DOT1L: variants seen among roughly 807,000 people sequenced by gnomAD.
DOT1L encodes histone-lysine N-methyltransferase, H3 lysine-79 specific.
In DOT1L, 33 loss-of-function variants were observed where a neutral mutation model predicts 153.3. That is an observed-to-expected ratio of 0.22 (90% CI 0.16 to 0.29). The LOEUF is 0.29. Among genes scored for constraint, DOT1L ranks in the 10% least tolerant of loss-of-function variants. The pLI is 1.00. For synonymous variants in DOT1L, 1,135 were observed against 965.1 expected (o/e 1.18, Z -3.26); for missense variants, 1,847 against 2,119.9 (o/e 0.87, Z 2.53).
chr19:2,227,932 C>A, intron 27 of DOT1L: 2 of 1,200,666 alleles, frequency 1.7e-6, no homozygotes, highest in South Asian at 2.9e-5. Flanking sequence ...CCGCCTCCCC[C>A]GCTGCCCCCG....
intron 9 of DOT1L, among the ~76,000 whole-genome samples, chr19:2,205,419 C>T (rs561306221): frequency 8.5e-5 from 13 of 152,266 alleles, no homozygotes; most frequent in South Asian, 4.1e-4. Flanking sequence ...GTGAGACTGA[C>T]GCTTAGCAGC....
chr19:2,186,818 C>G (rs534355221), intron 3 of DOT1L, among the ~76,000 whole-genome samples: 1 of 152,374 alleles, frequency 6.6e-6, no homozygotes, highest in South Asian at 2.1e-4. Flanking sequence ...ACCTGCCTCG[C>G]ATGTCGGGGC....
chr19:2,198,311 C>T (rs1386520637), intron 7 of DOT1L, among the ~76,000 whole-genome samples: 2 of 152,190 alleles, frequency 1.3e-5, no homozygotes, highest in African/African-American at 2.4e-5. Flanking sequence ...TGGGGGGTGG[C>T]CCAGCACCTG....
Position 2,220,836 on chromosome 19 carries a change from C to G in DOT1L, c.2806+614C>G. On this transcript the variant is annotated intron_variant, in intron 23 of 27. Coordinates refer to ENST00000398665, the MANE Select transcript of DOT1L (RefSeq NM_032482.3). This position sits in a 1 kb window ranked among gnomAD's most constrained non-coding sequence, Gnocchi z 4.5. ...GACCCCCAGGCTGGTTTGCTGGCCC[C>G]AGGTTGAGATGCGGTATGATGCGGC... 3.3e-6 allele frequency: 1 copy of G among 306,426 alleles called. No homozygotes were observed. The highest frequency in any genetic ancestry group is 2.8e-5 in the South Asian group (1 of 36,226). The allele number at this position is 306,426 out of a possible 1,614,324, so 19.0% of individuals were successfully genotyped here.
Position 2,207,436 on chromosome 19 carries a change from T to C in DOT1L, c.857-138T>C. Reference sequence around the variant, plus strand: ...CTGGGCCGGCCTCTGTGGGCCACTGTGGCCTGACGCAGTGTGGGAGAAGAG... The same window carrying C: ...CTGGGCCGGCCTCTGTGGGCCACTGCGGCCTGACGCAGTGTGGGAGAAGAG... On this transcript the variant is annotated intron_variant, in intron 10 of 27. Transcript: ENST00000398665. The surrounding 1 kb of genome is among the most constrained non-coding windows in gnomAD (Gnocchi z 4.5). The C allele has an allele frequency of 1.4e-6, 1 of 693,952 alleles. No homozygotes were observed. The highest frequency in any genetic ancestry group is 2.4e-6 in the Non-Finnish European group (1 of 423,944). The allele number at this position is 693,952 out of a possible 1,614,324, so 43.0% of individuals were successfully genotyped here. A position where few individuals can be genotyped will look rare whatever the true frequency, so the allele number is the denominator to read the frequency against.
rs961015649 is a variant in DOT1L at position 2,187,812 on chromosome 19, G to T, written c.200+1883G>T. On this transcript the variant is annotated intron_variant, in intron 3 of 27. Transcript: ENST00000398665. ...TGGCGGGTGCCTGTAGTCCCAGTTA[G>T]TCAGGAGGCTGAGGCAGGAGAATGG... Among the ~76,000 whole-genome samples the T allele has an allele frequency of 2.6e-5, 4 of 151,862 alleles. No individual in the cohort carries two copies. In the East Asian group the frequency reaches 5.8e-4, roughly 22 times the overall value.
chr19:2,185,620 T>C (rs2022460565), intron 2 of DOT1L, among the ~76,000 whole-genome samples: 1 of 152,032 alleles, frequency 6.6e-6, no homozygotes, highest in African/African-American at 2.4e-5. Flanking sequence ...AATACAAAAA[T>C]TAGCCAGGCG....
rs569308096 is a variant in DOT1L, at chr19:2,179,588, A to T, written c.82-1125A>T. ...TTTGGGAGGCTGAGGTGGGCGGATC[A>T]CCTGAGGTAAGGATTTCGAGACCAG... On this transcript the variant is annotated intron_variant, in intron 1 of 27. Coordinates refer to ENST00000398665, the MANE Select transcript of DOT1L (RefSeq NM_032482.3). Among the ~76,000 whole-genome samples, 14 of 152,246 alleles carry T rather than the reference A, an allele frequency of 9.2e-5. No homozygotes were observed. The East Asian group carries it at 1.4e-3, about 15-fold the overall frequency.
At position 2,229,825 on chromosome 19, in the gene DOT1L, G is replaced by A; in HGVS notation, c.*33G>A. 6.2e-7 allele frequency: 1 copy of A among 1,612,980 alleles called. No homozygotes were observed. Among genetic ancestry groups the A allele is most frequent in the Non-Finnish European group, 8.5e-7 (1 of 1,179,912 alleles). ...ACCTCAACCGCGAGACCTATGCAAG[G>A]ACGGTGTGGACCAACTCGCGCCCGC... On this transcript the variant is annotated 3_prime_UTR_variant, in exon 28 of 28. Coordinates refer to ENST00000398665, the MANE Select transcript of DOT1L (RefSeq NM_032482.3).
Position 2,222,723 on chromosome 19 carries a change from A to AC in DOT1L, c.3390+168dup, listed in dbSNP as rs1355924121. The AC allele has an allele frequency of 1.5e-6, 1 of 680,294 alleles. No individual in the cohort carries two copies. The highest frequency in any genetic ancestry group is 1.8e-5 in the African/African-American group (1 of 54,980). 42.1% of individuals were successfully genotyped at this position (680,294 alleles called of 1,614,324 possible). ...AGACCATCCTGGCTAACACGGTGAA[A>AC]CCCCGTCTCTACCAAAAATACAAAA... On this transcript the variant is annotated intron_variant, in intron 24 of 27. Coordinates refer to ENST00000398665, the MANE Select transcript of DOT1L (RefSeq NM_032482.3). This position sits in a 1 kb window ranked among gnomAD's most constrained non-coding sequence, Gnocchi z 6.5.
Position 2,213,843 on chromosome 19 carries a change from C to A in DOT1L, c.1660-6C>A. 6.2e-7 allele frequency: 1 copy of A among 1,613,098 alleles called. No individual in the cohort carries two copies. Among genetic ancestry groups the A allele is most frequent in the South Asian group, 1.1e-5 (1 of 91,088 alleles). On this transcript the variant is annotated splice_polypyrimidine_tract_variant and splice_region_variant and intron_variant, in intron 17 of 27. Transcript: ENST00000398665. ...GCATGACCTCTCCCCCGCCCCATGTCCCCAGCTGGGTGTGAAGGCGCTGAC... is the reference window on the plus strand; with the variant it reads ...GCATGACCTCTCCCCCGCCCCATGTACCCAGCTGGGTGTGAAGGCGCTGAC...
chr19:2,186,757 G>T (rs1448390183), intron 3 of DOT1L, among the ~76,000 whole-genome samples: 1 of 152,254 alleles, frequency 6.6e-6, no homozygotes, highest in African/African-American at 2.4e-5. Flanking sequence ...GCAGACAAGC[G>T]TGTTGCTGGC....
At chr19:2,199,276 C>T (rs944324517) in intron 7 of DOT1L, among the ~76,000 whole-genome samples, 13 of 152,220 alleles carry the variant, frequency 8.5e-5, no homozygotes, top group Non-Finnish European at 1.5e-4. Flanking sequence ...GTTAGCAGGC[C>T]GTCAGCGGTG....
intron 22 of DOT1L, among the ~76,000 whole-genome samples, chr19:2,218,184 C>T (rs965754385): frequency 6.6e-6 from 1 of 152,230 alleles, no homozygotes; most frequent in African/African-American, 2.4e-5. Context: ...CAGAGGCCCA[C>T]CCTGGCTCCC....
chr19:2,200,838 C>T (rs2023233591), intron 8 of DOT1L, among the ~76,000 whole-genome samples: 2 of 148,426 alleles, frequency 1.3e-5, no homozygotes, highest in African/African-American at 5.0e-5. Context: ...TCCCCGCATT[C>T]CTCGTCCTCC....
At chr19:2,174,770 T>C (rs1394546014) in intron 1 of DOT1L, among the ~76,000 whole-genome samples, 3 of 150,354 alleles carry the variant, frequency 2.0e-5, no homozygotes, top group Non-Finnish European at 3.0e-5. Flanking sequence ...CAGGTGTACC[T>C]GTCATGCCCA....
intron 3 of DOT1L, among the ~76,000 whole-genome samples, chr19:2,188,561 C>T (rs1003352865): frequency 2.1e-5 from 3 of 140,786 alleles, no homozygotes; most frequent in East Asian, 2.2e-4. Flanking sequence ...TGGGAGGGGC[C>T]GTCCTGGGCA....
At chr19:2,211,968 A>T (rs2023730695) in intron 16 of DOT1L, 126 bp downstream of exon 16, 1 of 823,468 alleles carries the variant, frequency 1.2e-6, no homozygotes, top group Admixed American at 3.0e-5. Flanking sequence ...TCCTCTGCTC[A>T]CCTGCTGCGA....
chr19:2,202,045 G>C (rs2144790870), intron 8 of DOT1L, among the ~76,000 whole-genome samples: 1 of 152,296 alleles, frequency 6.6e-6, no homozygotes, highest in East Asian at 1.9e-4. Flanking sequence ...GGTCTTTCTG[G>C]CTCACACCGC....
Sources: allele counts gnomAD v4.1 joint callset (sites outside exome capture counted in the v4.1 genomes callset), GRCh38; gene constraint gnomAD v4.1.1; non-coding constraint Gnocchi (gnomAD v3.1); transcripts MANE v1.5; gene names NCBI Gene and HGNC (gene_info 2026-07-23, HGNC 2026-07-21).